The following PRKAB2 variants were observed in gnomAD, a reference collection of about 807,000 sequenced individuals.
The protein encoded by PRKAB2 is 5'-AMP-activated protein kinase subunit beta-2.
In PRKAB2, 18 loss-of-function variants were observed where a neutral mutation model predicts 29.8. The ratio of observed to expected loss-of-function variants is 0.60; its 90% CI spans 0.42 to 0.89. The LOEUF (loss-of-function observed/expected upper bound fraction) is 0.89, where lower values mean the gene tolerates loss of function less well. Among genes scored for constraint, PRKAB2 ranks in the 40% least tolerant of loss-of-function variants. The pLI is 0.00. For synonymous variants in PRKAB2, 136 were observed against 125.9 expected (o/e 1.08, Z -0.54); for missense variants, 270 against 344.3 (o/e 0.78, Z 1.71).
In PRKAB2 at chr1:147,157,615, G is replaced by GTAA. The variant is rs1653741206; in HGVS notation, c.*1947_*1949dup. 6.6e-6 allele frequency: 1 copy of GTAA among 152,116 alleles called. No individual in the cohort carries two copies. Among genetic ancestry groups the GTAA allele is most frequent in the Admixed American group, 6.5e-5 (1 of 15,276 alleles). 9.4% of individuals were successfully genotyped at this position (152,116 alleles called of 1,614,324 possible). A position where few individuals can be genotyped will look rare whatever the true frequency, so the allele number is the denominator to read the frequency against. Reference sequence around the variant, plus strand: ...TGACAAGAAATATAACAAACTTCATGTAATAACCAAGATTTTGAATCTTCC... The same window carrying GTAA: ...TGACAAGAAATATAACAAACTTCATGTAATAATAACCAAGATTTTGAATCTTCC... On this transcript the variant is annotated 3_prime_UTR_variant, in exon 8 of 8. Transcript: ENST00000254101.
At chr1:147,168,190 C>T (rs1263215023) in intron 2 of PRKAB2, among the ~76,000 whole-genome samples, 1 of 152,040 alleles carries the variant, frequency 6.6e-6, no homozygotes, top group Non-Finnish European at 1.5e-5. Context: ...CTTACCCTTC[C>T]AGAGCCTTAG....
intron 5 of PRKAB2, among the ~76,000 whole-genome samples, chr1:147,163,736 G>A (rs1030255830): frequency 3.3e-5 from 5 of 151,970 alleles, no homozygotes; most frequent in East Asian, 3.9e-4. Flanking sequence ...TTTATTCTGC[G>A]GGTGATAAAA....
At chr1:147,161,596 C>T (rs1159911133) in intron 7 of PRKAB2, 116 bp downstream of exon 7, 5 of 849,918 alleles carry the variant, frequency 5.9e-6, no homozygotes, top group Admixed American at 2.8e-5. Flanking sequence ...ATAATTTGAT[C>T]ATTACTGCCA....
At chr1:147,168,811 A>G (rs1654376553) in intron 2 of PRKAB2, among the ~76,000 whole-genome samples, 1 of 152,130 alleles carries the variant, frequency 6.6e-6, no homozygotes. Context: ...TTACTGATTG[A>G]TTGATTGAGA....
intron 5 of PRKAB2, among the ~76,000 whole-genome samples, chr1:147,163,229 C>T (rs1236199972): frequency 6.6e-6 from 1 of 152,234 alleles, no homozygotes; most frequent in Non-Finnish European, 1.5e-5. Flanking sequence ...AACGCTCACA[C>T]TATTCCCACT....
intron 1 of PRKAB2, 56 bp downstream of exon 1, chr1:147,172,373 C>A: frequency 1.7e-6 from 1 of 597,198 alleles, no homozygotes; most frequent in Non-Finnish European, 2.8e-6. Context: ...AACCCGCTAT[C>A]GGGACCTCCC....
chr1:147,166,740 A>T (rs1301778095), intron 4 of PRKAB2, 106 bp downstream of exon 4: 1 of 1,550,052 alleles, frequency 6.5e-7, no homozygotes, highest in Non-Finnish European at 8.8e-7. Flanking sequence ...TTATCAAGAG[A>T]GAAATCCTCC....
Position 147,172,448 on chromosome 1 carries a change from C to T in PRKAB2, c.-43G>A. 4.2e-6 allele frequency: 2 copies of T among 478,516 alleles called. No individual in the cohort carries two copies. Among genetic ancestry groups the T allele is most frequent in the Non-Finnish European group, 7.4e-6 (2 of 270,590 alleles). The allele number at this position is 478,516 out of a possible 1,614,324, so 29.6% of individuals were successfully genotyped here. ...AGTCACCTCGGGCGATGCGCTCCCT[C>T]CTCCAAGGGCCACTGATGTGATGGC... On this transcript the variant is annotated 5_prime_UTR_variant, in exon 1 of 8. Coordinates refer to ENST00000254101, the MANE Select transcript of PRKAB2 (RefSeq NM_005399.5).
chr1:147,171,612 T>C (rs1654595273), intron 2 of PRKAB2, among the ~76,000 whole-genome samples: 2 of 152,204 alleles, frequency 1.3e-5, no homozygotes, highest in African/African-American at 2.4e-5. Context: ...CTACCACCTA[T>C]GGTCAGCAAC....
At chr1:147,169,586 A>C (rs1391393571) in intron 2 of PRKAB2, among the ~76,000 whole-genome samples, 1 of 152,114 alleles carries the variant, frequency 6.6e-6, no homozygotes, top group Non-Finnish European at 1.5e-5. Context: ...CAAAGAAAAA[A>C]CCCTCATCTT....
At chr1:147,160,196 G>A (rs1232997599) in intron 7 of PRKAB2, among the ~76,000 whole-genome samples, 1 of 152,090 alleles carries the variant, frequency 6.6e-6, no homozygotes, top group African/African-American at 2.4e-5. Context: ...AGGGAACCTA[G>A]GAATCCCTCT....
intron 7 of PRKAB2, 92 bp downstream of exon 7, chr1:147,161,620 T>A: frequency 9.0e-7 from 1 of 1,108,644 alleles, no homozygotes; most frequent in Non-Finnish European, 1.3e-6. Flanking sequence ...TCAGCTTCAA[T>A]GAAATAGCAG....
intron 2 of PRKAB2, among the ~76,000 whole-genome samples, chr1:147,169,556 C>T (rs1266511597): frequency 1.3e-5 from 2 of 152,076 alleles, no homozygotes; most frequent in Non-Finnish European, 2.9e-5. Flanking sequence ...CCCAGATATA[C>T]CGTGATTATG....
chr1:147,167,779 G>C lies in PRKAB2; in HGVS notation c.311C>G (p.Pro104Arg). ...AGACACTTGTCACCTCTTAATCAGT[G>C]GAATCTTGGTGCTCCAATTGTTGAA... is the stretch of plus-strand genomic sequence containing the variant. ...GSFNNWSTKI[P>R]LIKSHNDFVA... is the part of the protein sequence containing the mutation. The change falls in exon 3 of 8, where the codon CCA (proline) becomes CGA (arginine). Residue 104 changes from proline to arginine, a missense_variant. Transcript: ENST00000254101. 6.2e-7 allele frequency: 1 copy of C among 1,613,522 alleles called. No individual in the cohort carries two copies. Among genetic ancestry groups the C allele is most frequent in the Non-Finnish European group, 8.5e-7 (1 of 1,179,688 alleles).
intron 5 of PRKAB2, among the ~76,000 whole-genome samples, chr1:147,165,198 C>T (rs949946987): frequency 6.6e-6 from 1 of 152,032 alleles, no homozygotes; most frequent in African/African-American, 2.4e-5. Context: ...GCTAATTTTT[C>T]GTATTTTTTA....
At chr1:147,162,160 C>A (rs1036850) in intron 6 of PRKAB2, among the ~76,000 whole-genome samples, 72,243 of 151,904 alleles carry the variant, frequency 0.48, 18,325 homozygotes, top group East Asian at 0.86. Context: ...CTTTTGTACA[C>A]CCCCAAATGA....
chr1:147,164,230 A>T (rs1203246758), intron 5 of PRKAB2, among the ~76,000 whole-genome samples: 1 of 152,102 alleles, frequency 6.6e-6, no homozygotes, highest in Non-Finnish European at 1.5e-5. Context: ...TGAGCCACCA[A>T]ATTCATTGTA....
chr1:147,162,665 T>C lies in PRKAB2; in HGVS notation c.539-92A>G, dbSNP rs142422630. The stretch of plus-strand genomic sequence containing the variant: ...TCAATACATGGCAGCTAACATTAAA[T>C]ATGGTAGAAGTCCTGGATCACAAAC... On this transcript the variant is annotated intron_variant, in intron 5 of 7. Transcript: ENST00000254101. The C allele has an allele frequency of 1.6e-3, 2,112 of 1,303,772 alleles. 25 individuals carry two copies. In the African/African-American group the frequency reaches 0.029, roughly 18 times the overall value. The allele number at this position is 1,303,772 out of a possible 1,614,324, so 80.8% of individuals were successfully genotyped here. A position where few individuals can be genotyped will look rare whatever the true frequency, so the allele number is the denominator to read the frequency against.
intron 7 of PRKAB2, among the ~76,000 whole-genome samples, chr1:147,160,267 C>G (rs1242403124): frequency 2.6e-5 from 4 of 152,102 alleles, no homozygotes; most frequent in African/African-American, 9.7e-5. Context: ...TCCAATGGAT[C>G]AATTCCAAAC....
Sources: gnomAD v4.1 joint callset for allele counts (sites outside exome capture counted in the v4.1 genomes callset) on GRCh38, gnomAD v4.1.1 for gene constraint, MANE v1.5 for transcripts, NCBI Gene and HGNC (gene_info 2026-07-23, HGNC 2026-07-21) for gene names.